Variants in MAST4 observed in about 807,000 individuals in gnomAD.
MAST4 encodes the protein microtubule associated serine/threonine kinase family member 4.
Under a neutral mutation model 162.7 loss-of-function variants are expected in MAST4, and 89 were observed. That is an observed-to-expected ratio of 0.55 (90% confidence interval 0.46 to 0.65). The LOEUF (loss-of-function observed/expected upper bound fraction) is 0.65, where lower values mean the gene tolerates loss of function less well. Ranked by LOEUF, MAST4 falls within the 30% of genes least tolerant of loss-of-function variation. The pLI is 0.00. For missense variants in MAST4, 3,153 were observed against 3,374.0 expected, an observed-to-expected ratio of 0.93 and a Z score of 1.62; for synonymous variants, 1,479 against 1,361.1, an observed-to-expected ratio of 1.09 and a Z score of -1.91.
intron 1 of MAST4, among the ~76,000 whole-genome samples, chr5:66,706,079 G>C (rs975705156): frequency 6.6e-6 from 1 of 152,084 alleles, no homozygotes; most frequent in African/African-American, 2.4e-5. Flanking sequence ...ATCAATTATG[G>C]AGTTTTAGTA....
chr5:67,026,789 AC>A (rs1754702144), intron 4 of MAST4, among the ~76,000 whole-genome samples: 1 of 152,168 alleles, frequency 6.6e-6, no homozygotes, highest in South Asian at 2.1e-4. Flanking sequence ...GATGGAAAAA[AC>A]AATTCATTTT....
At chr5:66,853,863 T>A (rs1403910105) in intron 3 of MAST4, among the ~76,000 whole-genome samples, 1 of 152,166 alleles carries the variant, frequency 6.6e-6, no homozygotes, top group African/African-American at 2.4e-5. Context: ...GCATCAAACA[T>A]AAAGTGCATT....
At chr5:66,936,576 G>C (rs187540856) in intron 4 of MAST4, among the ~76,000 whole-genome samples, 1 of 152,256 alleles carries the variant, frequency 6.6e-6, no homozygotes, top group Admixed American at 6.5e-5. Flanking sequence ...GGTACTCAGT[G>C]GGGGAGCTTT....
intron 4 of MAST4, among the ~76,000 whole-genome samples, chr5:67,019,019 CAT>C (rs762785787): frequency 2.6e-5 from 4 of 152,326 alleles, no homozygotes; most frequent in East Asian, 1.9e-4. Context: ...TGTGTGCACA[CAT>C]GTGTGCATGC....
chr5:67,069,869 G>A (rs1485251263), intron 5 of MAST4, among the ~76,000 whole-genome samples: 1 of 131,474 alleles, frequency 7.6e-6, no homozygotes, highest in East Asian at 2.2e-4. Flanking sequence ...AGTTTCGAAG[G>A]CTTTGAGAGA....
At chr5:66,915,963 A>G (rs1038486021) in intron 4 of MAST4, among the ~76,000 whole-genome samples, 1 of 152,236 alleles carries the variant, frequency 6.6e-6, no homozygotes, top group African/African-American at 2.4e-5. Context: ...CATTACCATC[A>G]TTAGCTTAGA....
At chr5:67,032,916 A>G (rs533131447) in intron 4 of MAST4, among the ~76,000 whole-genome samples, 142 of 152,262 alleles carry the variant, frequency 9.3e-4, no homozygotes, top group African/African-American at 3.3e-3. Flanking sequence ...ACAACAAACT[A>G]TGAAAAGTGA....
chr5:67,123,676 A>C (rs559380034), intron 14 of MAST4, among the ~76,000 whole-genome samples: 2 of 152,208 alleles, frequency 1.3e-5, no homozygotes, highest in Non-Finnish European at 2.9e-5. Flanking sequence ...TCCAGTGAAC[A>C]CTTCCACCAG....
intron 3 of MAST4, among the ~76,000 whole-genome samples, chr5:66,896,460 T>C (rs193196357): frequency 1.3e-5 from 2 of 152,294 alleles, no homozygotes; most frequent in Admixed American, 1.3e-4. Context: ...AGTGAGTCAC[T>C]AGGTCCCAGC....
intron 1 of MAST4, chr5:66,662,291 G>C (rs1217068483): frequency 3.3e-5 from 5 of 152,044 alleles, no homozygotes; most frequent in African/African-American, 1.2e-4. Flanking sequence ...CTATCTTTCA[G>C]AGTTTTGTTG....
At chr5:66,874,565 A>G (rs2149883931) in intron 3 of MAST4, among the ~76,000 whole-genome samples, 1 of 152,328 alleles carries the variant, frequency 6.6e-6, no homozygotes, top group East Asian at 1.9e-4. Flanking sequence ...GATCAATTTC[A>G]AAACCCGAAA....
At chr5:67,015,296 C>T (rs1753146385) in intron 4 of MAST4, among the ~76,000 whole-genome samples, 1 of 152,170 alleles carries the variant, frequency 6.6e-6, no homozygotes, top group African/African-American at 2.4e-5. Flanking sequence ...CAGCCTGGAG[C>T]TGAAGAAACA....
At chr5:67,101,443 C>T (rs1045097034) in intron 8 of MAST4, among the ~76,000 whole-genome samples, 1 of 152,124 alleles carries the variant, frequency 6.6e-6, no homozygotes, top group Non-Finnish European at 1.5e-5. Context: ...CAGGGACTGG[C>T]AGCTGAAGGT....
intron 24 of MAST4, among the ~76,000 whole-genome samples, chr5:67,151,456 T>A (rs1171492353): frequency 6.6e-6 from 1 of 152,212 alleles, no homozygotes; most frequent in Non-Finnish European, 1.5e-5. Flanking sequence ...AGGCCCCACC[T>A]CTTAAAACCA....
At chr5:66,842,739 T>C (rs1758518030) in intron 3 of MAST4, among the ~76,000 whole-genome samples, 3 of 152,186 alleles carry the variant, frequency 2.0e-5, no homozygotes, top group Admixed American at 2.0e-4. Flanking sequence ...ATTTGACCTA[T>C]TTCACAGAGC....
chr5:67,159,959 A>G (rs1262750299), intron 26 of MAST4, among the ~76,000 whole-genome samples: 3 of 152,258 alleles, frequency 2.0e-5, no homozygotes, highest in Non-Finnish European at 4.4e-5. Context: ...GGCCAAAGGA[A>G]AAACACAAAA....
At position 66,985,210 on chromosome 5, in the gene MAST4, G is replaced by C. The variant is rs6863328; in HGVS notation, c.675-69194G>C. Among the ~76,000 whole-genome samples the C allele has an allele frequency of 4.5e-3, 679 of 152,188 alleles. 7 individuals carry two copies. The highest frequency in any genetic ancestry group is 0.015 in the African/African-American group (638 of 41,488). On this transcript the variant is annotated intron_variant, in intron 4 of 28. Coordinates refer to ENST00000403625, the MANE Select transcript of MAST4 (RefSeq NM_001164664.2). ...AAGGAGGAGTTTCACACAGGAGAGT[G>C]GTCTTCTGTGTGGAGTGATGCTGAT... is the stretch of plus-strand genomic sequence containing the variant.
chr5:66,876,774 CATG>C (rs1761329924), intron 3 of MAST4, among the ~76,000 whole-genome samples: 1 of 152,134 alleles, frequency 6.6e-6, no homozygotes, highest in African/African-American at 2.4e-5. Flanking sequence ...GGAGCATTGT[CATG>C]ACAGAAAGTC....
intron 1 of MAST4, among the ~76,000 whole-genome samples, chr5:66,679,723 G>A (rs969865466): frequency 2.6e-5 from 4 of 151,866 alleles, no homozygotes; most frequent in African/African-American, 9.7e-5. Context: ...GGGGTTGCAG[G>A]CTCTCCAGTT....
Sources: gnomAD v4.1 joint callset for allele counts (sites outside exome capture counted in the v4.1 genomes callset) on GRCh38, gnomAD v4.1.1 for gene constraint, MANE v1.5 for transcripts, NCBI Gene and HGNC (gene_info 2026-07-23, HGNC 2026-07-21) for gene names.